PKN2: variants seen among roughly 807,000 people sequenced by gnomAD.
PKN2 encodes the protein serine/threonine-protein kinase N2.
Under a neutral mutation model 119.1 loss-of-function variants are expected in PKN2, and 38 were observed. The ratio of observed to expected loss-of-function variants is 0.32; its 90% CI spans 0.25 to 0.42. The LOEUF is 0.42. Ranked by LOEUF, PKN2 falls within the 10% of genes least tolerant of loss-of-function variation. PKN2 has a pLI of 1.00. For synonymous variants in PKN2, 390 were observed against 384.9 expected, an observed-to-expected ratio of 1.01 and a Z score of -0.15; for missense variants, 850 against 1,165.1, an observed-to-expected ratio of 0.73 and a Z score of 3.94.
At chr1:88,832,997 G>A in intron 20 of PKN2, 80 bp from the exon 21 acceptor site, 1 of 1,374,138 alleles carries the variant, frequency 7.3e-7, no homozygotes. Flanking sequence ...ATATATCTAA[G>A]TTTTTTAAAG....
At chr1:88,745,422 C>A (rs960597106) in intron 2 of PKN2, among the ~76,000 whole-genome samples, 10 of 152,106 alleles carry the variant, frequency 6.6e-5, no homozygotes, top group African/African-American at 2.2e-4. Context: ...AGTCAAGTTG[C>A]AAGATACAAA....
intron 1 of PKN2, chr1:88,684,987 C>T (rs1666023206): frequency 4.5e-6 from 1 of 224,486 alleles, no homozygotes; most frequent in South Asian, 1.3e-4. Context: ...CCCTGTTGCC[C>T]CCTCCCTTCG....
chr1:88,721,785 G>A (rs1348017056), intron 1 of PKN2, among the ~76,000 whole-genome samples: 4 of 152,078 alleles, frequency 2.6e-5, no homozygotes, highest in Admixed American at 6.6e-5. Context: ...TTGACAAGAG[G>A]GTGCATCTAC....
chr1:88,689,100 A>C (rs188753509), intron 1 of PKN2, among the ~76,000 whole-genome samples: 11 of 152,284 alleles, frequency 7.2e-5, no homozygotes, highest in Non-Finnish European at 1.3e-4. Flanking sequence ...GGGAGGATTA[A>C]AATTTTAGGG....
intron 1 of PKN2, among the ~76,000 whole-genome samples, chr1:88,739,093 A>C (rs1668470569): frequency 6.6e-6 from 1 of 152,128 alleles, no homozygotes; most frequent in Non-Finnish European, 1.5e-5. Flanking sequence ...GGAATTCTTA[A>C]CCTAGGATCC....
intron 8 of PKN2, among the ~76,000 whole-genome samples, chr1:88,801,726 A>T (rs750423242): frequency 1.1e-4 from 17 of 152,256 alleles, no homozygotes; most frequent in Non-Finnish European, 2.1e-4. Flanking sequence ...ACGGAGACAA[A>T]GGATCTCTCA....
intron 8 of PKN2, among the ~76,000 whole-genome samples, chr1:88,801,669 T>G (rs920307675): frequency 1.3e-5 from 2 of 152,186 alleles, no homozygotes; most frequent in African/African-American, 4.8e-5. Flanking sequence ...GAGCTTTATA[T>G]GTAAAATGTT....
intron 1 of PKN2, among the ~76,000 whole-genome samples, chr1:88,726,072 T>C (rs1178070618): frequency 6.6e-6 from 1 of 152,210 alleles, no homozygotes; most frequent in Non-Finnish European, 1.5e-5. Flanking sequence ...TTTTGCGAAC[T>C]CACTTATTGT....
intron 1 of PKN2, among the ~76,000 whole-genome samples, chr1:88,689,214 A>G (rs1474318941): frequency 6.6e-6 from 1 of 152,230 alleles, no homozygotes; most frequent in African/African-American, 2.4e-5. Flanking sequence ...CAGAAAATCC[A>G]GAAAATGTGG....
At chr1:88,823,087 G>C (rs1672360631) in intron 17 of PKN2, among the ~76,000 whole-genome samples, 1 of 152,096 alleles carries the variant, frequency 6.6e-6, no homozygotes, top group Non-Finnish European at 1.5e-5. Flanking sequence ...CAGGAGTGAT[G>C]ACATCTGCCT....
intron 8 of PKN2, among the ~76,000 whole-genome samples, chr1:88,797,131 C>G (rs184702835): frequency 6.6e-6 from 1 of 151,470 alleles, no homozygotes; most frequent in African/African-American, 2.4e-5. Flanking sequence ...GTCAGGAGTT[C>G]AAGACCAGCC....
Position 88,760,241 on chromosome 1 carries a change from T to C in PKN2, c.369T>C (p.Asp123=), listed in dbSNP as rs764424876. 20 of 1,565,330 alleles carry C rather than the reference T, an allele frequency of 1.3e-5. No individual in the cohort carries two copies. Among genetic ancestry groups the C allele is most frequent in the Non-Finnish European group, 1.7e-5 (19 of 1,142,828 alleles). ...TTACAGATTGCCCAAGGACTCCAGA[T>C]ACTCCAAATAATGACCCTCGTTGTT... ...EDITDCPRTP[D]TPNNDPRCST... is the part of the protein sequence containing the mutation. The change falls in exon 3 of 22, where the codon GAT becomes GAC. Residue 123 remains aspartate (D), a synonymous_variant. Transcript: ENST00000370521.
chr1:88,692,357 T>C (rs188684351), intron 1 of PKN2, among the ~76,000 whole-genome samples: 2 of 152,342 alleles, frequency 1.3e-5, no homozygotes, highest in Admixed American at 1.3e-4. Flanking sequence ...CTACTGTGCA[T>C]GTGCCACAGT....
chr1:88,691,830 G>T (rs1043224291), intron 1 of PKN2, among the ~76,000 whole-genome samples: 13 of 151,838 alleles, frequency 8.6e-5, no homozygotes, highest in African/African-American at 2.9e-4. Flanking sequence ...AAGATACTTT[G>T]AGAGAAACCA....
At chr1:88,709,812 C>T (rs964223842) in intron 1 of PKN2, among the ~76,000 whole-genome samples, 2 of 152,180 alleles carry the variant, frequency 1.3e-5, no homozygotes, top group Admixed American at 6.5e-5. Context: ...AACAGTGCCA[C>T]TTCTCAATTA....
chr1:88,806,136 T>C, intron 12 of PKN2, 119 bp downstream of exon 12: 1 of 917,698 alleles, frequency 1.1e-6, no homozygotes, highest in South Asian at 1.6e-5. Flanking sequence ...GAATTTATGG[T>C]TTTTTGTTTG....
intron 2 of PKN2, among the ~76,000 whole-genome samples, chr1:88,746,552 G>A (rs903954580): frequency 6.6e-6 from 1 of 151,864 alleles, no homozygotes; most frequent in South Asian, 2.1e-4. Flanking sequence ...TTAAAACCAC[G>A]ATGAGATACC....
In PKN2 at chr1:88,707,335, GT is replaced by G. The variant is rs1248057435; in HGVS notation, c.48+22714del. Among the ~76,000 whole-genome samples, 4 of 151,980 alleles carry G rather than the reference GT, an allele frequency of 2.6e-5. No individual in the cohort carries two copies. In the South Asian group the frequency reaches 8.3e-4, roughly 31 times the overall value. Reference sequence around the variant, plus strand: ...TTACATTCATTATATTCTTTTACAAGTTTTTTTAAATTTAATTCTTTTCCAT... The same window carrying G: ...TTACATTCATTATATTCTTTTACAAGTTTTTTAAATTTAATTCTTTTCCAT... On this transcript the variant is annotated intron_variant, in intron 1 of 21. Transcript: ENST00000370521.
chr1:88,827,931 G>A (rs575608156), intron 18 of PKN2, among the ~76,000 whole-genome samples: 1 of 151,548 alleles, frequency 6.6e-6, no homozygotes, highest in African/African-American at 2.4e-5. Context: ...CATCATGTTG[G>A]CCAGGCTGGT....
Sources: allele counts gnomAD v4.1 joint callset (sites outside exome capture counted in the v4.1 genomes callset), GRCh38; gene constraint gnomAD v4.1.1; transcripts MANE v1.5; gene names NCBI Gene and HGNC (gene_info 2026-07-23, HGNC 2026-07-21).